CRADD: variants seen among roughly 807,000 people sequenced by gnomAD.
The protein encoded by CRADD is death domain-containing protein CRADD.
Under a neutral mutation model 15.5 loss-of-function variants are expected in CRADD, and 9 were observed. The ratio of observed to expected loss-of-function variants is 0.58; its 90% CI spans 0.35 to 1.01. CRADD has a LOEUF of 1.01. CRADD is among the 50% of genes least tolerant of loss of function. The pLI, the probability that CRADD is intolerant of heterozygous loss-of-function variation, is 0.02. For missense variants in CRADD, 227 were observed against 250.3 expected (o/e 0.91, Z 0.63); for synonymous variants, 118 against 107.6 (o/e 1.10, Z -0.60).
intron 2 of CRADD, among the ~76,000 whole-genome samples, chr12:93,868,971 A>G (rs1228646260): frequency 6.6e-6 from 1 of 152,184 alleles, no homozygotes; most frequent in Middle Eastern, 3.2e-3. Context: ...CTCTTTAACC[A>G]CAAATGTACA....
intron 2 of CRADD, among the ~76,000 whole-genome samples, chr12:93,886,162 C>CATTTTTTT (rs1555231623): frequency 1.6e-5 from 2 of 123,948 alleles, no homozygotes; most frequent in Non-Finnish European, 1.7e-5. Flanking sequence ...GCTGCTGATG[C>CATTTTTTT]TTTTTTTTTT....
intron 2 of CRADD, among the ~76,000 whole-genome samples, chr12:93,792,514 C>T (rs1231677535): frequency 6.6e-6 from 1 of 152,120 alleles, no homozygotes; most frequent in African/African-American, 2.4e-5. Flanking sequence ...TTAGATCTAC[C>T]ACTTAGGAAG....
chr12:93,687,127 G>A (rs983317057), intron 2 of CRADD, among the ~76,000 whole-genome samples: 3 of 152,162 alleles, frequency 2.0e-5, no homozygotes, highest in Non-Finnish European at 4.4e-5. Flanking sequence ...CTTTCATCGA[G>A]TATTTATGGG....
At chr12:93,848,507 T>A (rs1958163492) in intron 2 of CRADD, among the ~76,000 whole-genome samples, 1 of 152,208 alleles carries the variant, frequency 6.6e-6, no homozygotes, top group South Asian at 2.1e-4. Context: ...TAGTGTACTG[T>A]GCTGTCAAAC....
intron 2 of CRADD, among the ~76,000 whole-genome samples, chr12:93,840,726 C>CCAGTTATG (rs1565934655): frequency 3.3e-5 from 5 of 152,124 alleles, no homozygotes; most frequent in African/African-American, 1.2e-4. Context: ...GCCACCACGC[C>CCAGTTATG]TGGCTAATTT....
intron 2 of CRADD, among the ~76,000 whole-genome samples, chr12:93,729,977 A>G (rs1956436162): frequency 6.6e-6 from 1 of 152,190 alleles, no homozygotes; most frequent in Admixed American, 6.5e-5. Context: ...AAATCAGACC[A>G]AAGATATGAA....
At chr12:93,688,047 C>A (rs868729267) in intron 2 of CRADD, among the ~76,000 whole-genome samples, 1 of 152,196 alleles carries the variant, frequency 6.6e-6, no homozygotes, top group Non-Finnish European at 1.5e-5. Context: ...GAGTCTCCTG[C>A]TGAAGAACGA....
At chr12:93,683,248 G>A (rs2136793830) in intron 2 of CRADD, among the ~76,000 whole-genome samples, 1 of 152,320 alleles carries the variant, frequency 6.6e-6, no homozygotes, top group South Asian at 2.1e-4. Flanking sequence ...CTGGGCCACA[G>A]GACCCCCTCC....
intron 2 of CRADD, 63 bp from the exon 3 acceptor site, chr12:93,849,907 C>T: frequency 1.0e-6 from 1 of 960,638 alleles, no homozygotes; most frequent in African/African-American, 1.6e-5. Context: ...ATTCTCATTT[C>T]TGCCCCCAAA....
At chr12:93,758,760 A>G (rs928900568) in intron 2 of CRADD, among the ~76,000 whole-genome samples, 24 of 152,132 alleles carry the variant, frequency 1.6e-4, no homozygotes, top group Non-Finnish European at 2.8e-4. Flanking sequence ...TTAATCTGAT[A>G]CCATTTTATA....
At chr12:93,731,618 C>G (rs1956466518) in intron 2 of CRADD, among the ~76,000 whole-genome samples, 1 of 152,178 alleles carries the variant, frequency 6.6e-6, no homozygotes, top group Non-Finnish European at 1.5e-5. Context: ...ATCAGTAGAT[C>G]AAGAAGGCGA....
At chr12:93,831,762 G>A (rs78654523) in intron 2 of CRADD, among the ~76,000 whole-genome samples, 2 of 152,236 alleles carry the variant, frequency 1.3e-5, no homozygotes, top group Admixed American at 6.5e-5. Flanking sequence ...TTGCAGGTTA[G>A]CGTCTTTGGG....
intron 2 of CRADD, among the ~76,000 whole-genome samples, chr12:93,705,103 T>G (rs572938309): frequency 6.6e-6 from 1 of 152,232 alleles, no homozygotes; most frequent in Admixed American, 6.5e-5. Flanking sequence ...CGAATTTCCC[T>G]TCTCTAGACT....
chr12:93,821,808 G>A (rs1398982981), intron 2 of CRADD, among the ~76,000 whole-genome samples: 1 of 152,106 alleles, frequency 6.6e-6, no homozygotes, highest in Non-Finnish European at 1.5e-5. Context: ...ACTCTTTAAG[G>A]GATGTGAACA....
intron 2 of CRADD, among the ~76,000 whole-genome samples, chr12:93,806,879 G>A (rs1957545488): frequency 1.3e-5 from 2 of 152,132 alleles, no homozygotes; most frequent in South Asian, 4.1e-4. Context: ...TGAAAGATCT[G>A]ATGACTTCAG....
chr12:93,803,776 A>C (rs1167420723), intron 2 of CRADD, among the ~76,000 whole-genome samples: 1 of 152,080 alleles, frequency 6.6e-6, no homozygotes, highest in Non-Finnish European at 1.5e-5. Flanking sequence ...CTCCATGGCA[A>C]AGGGGACTTT....
intron 2 of CRADD, among the ~76,000 whole-genome samples, chr12:93,768,734 A>G (rs1314574331): frequency 6.6e-6 from 1 of 152,234 alleles, no homozygotes; most frequent in Non-Finnish European, 1.5e-5. Context: ...TCCTAAGTGT[A>G]CAACTCAGTT....
intron 2 of CRADD, among the ~76,000 whole-genome samples, chr12:93,728,143 C>T (rs534192607): frequency 1.3e-5 from 2 of 152,172 alleles, no homozygotes; most frequent in Admixed American, 6.6e-5. Flanking sequence ...ATGAAACAGT[C>T]ACGTTTGGCT....
chr12:93,821,878 G>A (rs911172536), intron 2 of CRADD, among the ~76,000 whole-genome samples: 2 of 152,130 alleles, frequency 1.3e-5, no homozygotes, highest in Non-Finnish European at 2.9e-5. Context: ...AGCACTTTGC[G>A]AGGCCAAGGC....
Sources: gnomAD v4.1 joint callset for allele counts (sites outside exome capture counted in the v4.1 genomes callset) on GRCh38, gnomAD v4.1.1 for gene constraint, MANE v1.5 for transcripts, NCBI Gene and HGNC (gene_info 2026-07-23, HGNC 2026-07-21) for gene names.